CHP1: variants seen among roughly 807,000 people sequenced by gnomAD.
The protein encoded by CHP1 is calcineurin like EF-hand protein 1.
CHP1 carries 11 observed loss-of-function variants against 27.4 expected under a neutral mutation model. The observed-to-expected ratio is 0.40, with a 90% CI of 0.25 to 0.67. The LOEUF is 0.67. CHP1 is among the 30% of genes least tolerant of loss of function. The probability of loss-of-function intolerance (pLI) is 0.38; values close to 1 mark genes in which losing one functional copy is unlikely to be tolerated. For missense variants in CHP1, 169 were observed against 251.3 expected (o/e 0.67, Z 2.22); for synonymous variants, 89 against 87.4 (o/e 1.02, Z -0.10).
chr15:41,232,532 G>C lies in CHP1; in HGVS notation c.67+1083G>C, dbSNP rs763421699. Among the ~76,000 whole-genome samples the C allele has an allele frequency of 2.0e-5, 3 of 151,186 alleles. No individual in the cohort carries two copies. The South Asian group carries it at 6.3e-4, about 32-fold the overall frequency. The stretch of plus-strand genomic sequence containing the variant: ...TGCAGAACTGATTTTTTTTTTTATA[G>C]TCCAGTCTCTTCCTCATTAGTCTGA... On this transcript the variant is annotated intron_variant, in intron 1 of 6. Transcript: ENST00000334660.
intron 5 of CHP1, among the ~76,000 whole-genome samples, chr15:41,277,186 A>G (rs141153452): frequency 1.3e-5 from 2 of 152,360 alleles, no homozygotes; most frequent in East Asian, 3.9e-4. Context: ...TTGTAGTTGT[A>G]GGAACATCAT....
At chr15:41,279,029 G>C in intron 6 of CHP1, 140 bp downstream of exon 6, 1 of 1,065,778 alleles carries the variant, frequency 9.4e-7, no homozygotes, top group African/African-American at 1.6e-5. Context: ...TGGCTAACAT[G>C]GTGAAACCTC....
chr15:41,250,320 A>T (rs1464659548), intron 2 of CHP1, among the ~76,000 whole-genome samples: 2 of 152,114 alleles, frequency 1.3e-5, no homozygotes, highest in Non-Finnish European at 2.9e-5. Context: ...ATAAATATAC[A>T]CTGTAACCTT....
chr15:41,264,172 A>G (rs1193432237), intron 4 of CHP1: 13 of 1,283,946 alleles, frequency 1.0e-5, no homozygotes, highest in Non-Finnish European at 1.3e-5. Context: ...CAGTAGAGGA[A>G]GAGAGATATA....
At chr15:41,247,904 G>A (rs1255750924) in intron 2 of CHP1, among the ~76,000 whole-genome samples, 1 of 151,478 alleles carries the variant, frequency 6.6e-6, no homozygotes, top group Non-Finnish European at 1.5e-5. Flanking sequence ...GGGAGGCGGA[G>A]CTTTCAGTGA....
chr15:41,250,498 C>T (rs552561126), intron 2 of CHP1, among the ~76,000 whole-genome samples: 27 of 151,908 alleles, frequency 1.8e-4, no homozygotes, highest in African/African-American at 5.5e-4. Context: ...ACCCGGGAGG[C>T]GGAGGTTGCA....
chr15:41,261,768 A>G (rs969026250), intron 3 of CHP1, among the ~76,000 whole-genome samples: 1 of 151,930 alleles, frequency 6.6e-6, no homozygotes, highest in Non-Finnish European at 1.5e-5. Context: ...TGAGGCGGGC[A>G]GATCACCTGA....
chr15:41,240,317 G>A (rs1447839831), intron 1 of CHP1, among the ~76,000 whole-genome samples: 2 of 151,882 alleles, frequency 1.3e-5, no homozygotes, highest in East Asian at 1.9e-4. Flanking sequence ...TGAAGGGGTC[G>A]GATTAGATAA....
chr15:41,245,352 G>A (rs2047329167), intron 2 of CHP1, among the ~76,000 whole-genome samples: 1 of 151,870 alleles, frequency 6.6e-6, no homozygotes, highest in Non-Finnish European at 1.5e-5. Flanking sequence ...GTGGTGGTGG[G>A]CGCCTGTAAT....
rs188259078 is a variant in CHP1, at chr15:41,271,113, G to T, written c.411+495G>T. On this transcript the variant is annotated intron_variant, in intron 5 of 6. Transcript: ENST00000334660. ...TACTAAAAATACAAAAAATTAGCCGGGTGTGGTGGCGGGCACCTGTAGTCC... is the reference window on the plus strand; with the variant it reads ...TACTAAAAATACAAAAAATTAGCCGTGTGTGGTGGCGGGCACCTGTAGTCC... Among the ~76,000 whole-genome samples, 18 of 152,082 alleles carry T rather than the reference G, an allele frequency of 1.2e-4. No individual in the cohort carries two copies. In the East Asian group the frequency reaches 3.5e-3, roughly 29 times the overall value.
intron 2 of CHP1, 45 bp downstream of exon 2, chr15:41,243,784 C>G (rs374824075): frequency 2.0e-5 from 31 of 1,557,810 alleles, no homozygotes; most frequent in Non-Finnish European, 2.7e-5. Flanking sequence ...ACCAGAAACC[C>G]TCTGGCAGTG....
chr15:41,231,290 T>G lies in CHP1; in HGVS notation c.-93T>G, dbSNP rs1244734562. 7.8e-7 allele frequency: 1 copy of G among 1,285,354 alleles called. No homozygotes were observed. The highest frequency in any genetic ancestry group is 1.5e-5 in the African/African-American group (1 of 67,876). 79.6% of individuals were successfully genotyped at this position (1,285,354 alleles called of 1,614,324 possible). ...CGCAGTGGAAACACTGCCCTCTCCC[T>G]TCTTGACCCCTAGCCCTTCCTTCCC... On this transcript the variant is annotated 5_prime_UTR_variant, in exon 1 of 7. Transcript: ENST00000334660.
chr15:41,258,915 C>G (rs1256582955), intron 3 of CHP1, among the ~76,000 whole-genome samples: 1 of 152,054 alleles, frequency 6.6e-6, no homozygotes. Context: ...AAGGAATTTG[C>G]TAGTTGAGAG....
rs74569804 is a variant in CHP1 at position 41,273,688 on chromosome 15, A to T, written c.411+3070A>T. On this transcript the variant is annotated intron_variant, in intron 5 of 6. Coordinates refer to ENST00000334660, the MANE Select transcript of CHP1 (RefSeq NM_007236.5). Reference sequence around the variant, plus strand: ...TGGCCTCACCATCCATTCATGATTTAAAAAAAAAAAAAAGAAGTCTTAGAA... The same window carrying T: ...TGGCCTCACCATCCATTCATGATTTTAAAAAAAAAAAAAGAAGTCTTAGAA... 1.2e-3 allele frequency among the ~76,000 whole-genome samples: 165 copies of T among 142,174 alleles called. 1 individual carries two copies. Among genetic ancestry groups the T allele is most frequent in the Admixed American group, 4.2e-4 (6 of 14,158 alleles). The allele number at this position is 142,174 out of a possible 152,430, so 93.3% of individuals were successfully genotyped here.
chr15:41,264,499 C>T (rs1396476788), intron 4 of CHP1, among the ~76,000 whole-genome samples: 2 of 152,152 alleles, frequency 1.3e-5, no homozygotes, highest in Non-Finnish European at 1.5e-5. Context: ...AGTGCAGTGG[C>T]GTGATCACAG....
chr15:41,238,611 C>T lies in CHP1; in HGVS notation c.68-5056C>T, dbSNP rs539403364. Among the ~76,000 whole-genome samples, 12 of 151,276 alleles carry T rather than the reference C, an allele frequency of 7.9e-5. No individual in the cohort carries two copies. The East Asian group carries it at 1.4e-3, about 17-fold the overall frequency. On this transcript the variant is annotated intron_variant, in intron 1 of 6. Coordinates refer to ENST00000334660, the MANE Select transcript of CHP1 (RefSeq NM_007236.5). ...TCCCAGCACTTTAGGGCGGCTGAGG[C>T]GGGTGGATCACGAGGTCGGGAGATC...
chr15:41,274,046 C>T (rs368744747), intron 5 of CHP1, among the ~76,000 whole-genome samples: 22 of 152,036 alleles, frequency 1.4e-4, no homozygotes, highest in African/African-American at 3.9e-4. Context: ...CTGCAACCTC[C>T]GCCTCCCGGG....
intron 3 of CHP1, among the ~76,000 whole-genome samples, chr15:41,259,407 T>G (rs2047419881): frequency 6.6e-6 from 1 of 152,164 alleles, no homozygotes; most frequent in Non-Finnish European, 1.5e-5. Flanking sequence ...AGTGGAGGGC[T>G]CTACTGGGCT....
intron 4 of CHP1, chr15:41,264,284 CG>C (rs1239375611): frequency 1.6e-5 from 17 of 1,052,920 alleles, no homozygotes; most frequent in Non-Finnish European, 2.1e-5. Context: ...CAGGAGAGTG[CG>C]AGTGCCGAGG....
Sources: allele counts gnomAD v4.1 joint callset (sites outside exome capture counted in the v4.1 genomes callset), GRCh38; gene constraint gnomAD v4.1.1; transcripts MANE v1.5; gene names NCBI Gene and HGNC (gene_info 2026-07-23, HGNC 2026-07-21).